The following DLGAP1 variants were observed in gnomAD, a reference collection of about 807,000 sequenced individuals.
DLGAP1 encodes disks large-associated protein 1.
A neutral mutation model predicts 90.8 loss-of-function variants in DLGAP1; 11 were observed. That is an observed-to-expected ratio of 0.12 (90% confidence interval 0.08 to 0.20). DLGAP1 has a LOEUF of 0.20. Among genes scored for constraint, DLGAP1 ranks in the 10% least tolerant of loss-of-function variants. The pLI is 1.00. For missense variants in DLGAP1, 1,050 were observed against 1,333.8 expected, an observed-to-expected ratio of 0.79 and a Z score of 3.31; for synonymous variants, 558 against 540.7, an observed-to-expected ratio of 1.03 and a Z score of -0.44.
At position 4,369,636 on chromosome 18, in the gene DLGAP1, T is replaced by C. The variant is rs537690796; in HGVS notation, c.-267+85370A>G. Among the ~76,000 whole-genome samples the C allele has an allele frequency of 2.6e-5, 4 of 151,908 alleles. No individual in the cohort carries two copies. The South Asian group carries it at 8.4e-4, about 32-fold the overall frequency. Reference sequence around the variant, plus strand: ...CTCACTTCAATGCCATAGTCAGTGTTTGACAGACAGATGGGCCCAGGCTCT... The same window carrying C: ...CTCACTTCAATGCCATAGTCAGTGTCTGACAGACAGATGGGCCCAGGCTCT... On this transcript the variant is annotated intron_variant, in intron 1 of 12. Coordinates refer to ENST00000315677, the MANE Select transcript of DLGAP1 (RefSeq NM_004746.4).
chr18:3,617,991 C>G (rs1481705631), intron 7 of DLGAP1, among the ~76,000 whole-genome samples: 1 of 152,110 alleles, frequency 6.6e-6, no homozygotes, highest in Admixed American at 6.6e-5. Context: ...GAGCCAAGAT[C>G]GTGCCATTGC....
intron 2 of DLGAP1, among the ~76,000 whole-genome samples, chr18:4,031,338 T>A (rs865910802): frequency 1.8e-4 from 27 of 152,188 alleles, no homozygotes; most frequent in African/African-American, 6.3e-4. Flanking sequence ...CAATAAAATA[T>A]ATATTGTATT....
chr18:3,854,107 A>G (rs972377412), intron 4 of DLGAP1, among the ~76,000 whole-genome samples: 4 of 152,046 alleles, frequency 2.6e-5, no homozygotes, highest in South Asian at 2.1e-4. Flanking sequence ...AAGTTTATGA[A>G]CCCCTCCCCC....
chr18:4,246,476 G>A (rs991025160), intron 1 of DLGAP1, among the ~76,000 whole-genome samples: 4 of 152,158 alleles, frequency 2.6e-5, no homozygotes, highest in Non-Finnish European at 5.9e-5. Context: ...AACTTCTGGG[G>A]TGCAGAGAAC....
At chr18:4,269,324 TTATATATACATATATA>T (rs1292653424) in intron 1 of DLGAP1, among the ~76,000 whole-genome samples, 1 of 146,122 alleles carries the variant, frequency 6.8e-6, no homozygotes, top group Non-Finnish European at 1.5e-5. Flanking sequence ...TCATATTATT[TTATATATACATATATA>T]TATATATATA....
At chr18:3,860,475 T>C (rs3862175) in intron 4 of DLGAP1, among the ~76,000 whole-genome samples, 46,253 of 152,062 alleles carry the variant, frequency 0.3, 7,296 homozygotes, top group African/African-American at 0.39. Flanking sequence ...CCATGGCAGA[T>C]AGACATGAAA....
At chr18:3,994,430 T>C (rs970685165) in intron 3 of DLGAP1, among the ~76,000 whole-genome samples, 1 of 152,192 alleles carries the variant, frequency 6.6e-6, no homozygotes, top group Non-Finnish European at 1.5e-5. Context: ...CCCTGCTCTA[T>C]AAACAGACCC....
rs368782435 is a variant in DLGAP1, at chr18:4,342,374, A to G, written c.-267+112632T>C. On this transcript the variant is annotated intron_variant, in intron 1 of 12. Coordinates refer to ENST00000315677, the MANE Select transcript of DLGAP1 (RefSeq NM_004746.4). This position sits in a 1 kb window ranked among gnomAD's most constrained non-coding sequence, Gnocchi z 5.8. ...AATAGAATATGTTAAATGGATAAAC[A>G]CTCCCAAATATCTTACATTTTAAAA... is the stretch of plus-strand genomic sequence containing the variant. 8.5e-5 allele frequency among the ~76,000 whole-genome samples: 13 copies of G among 152,110 alleles called. No individual in the cohort carries two copies. The East Asian group carries it at 2.1e-3, about 25-fold the overall frequency.
intron 3 of DLGAP1, among the ~76,000 whole-genome samples, chr18:3,981,156 G>A (rs1490111704): frequency 1.3e-5 from 2 of 152,246 alleles, no homozygotes; most frequent in Admixed American, 6.5e-5. Context: ...CATACGGGCA[G>A]AATGCCGGAT....
chr18:3,547,560 A>G (rs1024577410), intron 9 of DLGAP1, among the ~76,000 whole-genome samples: 52 of 150,388 alleles, frequency 3.5e-4, no homozygotes, highest in African/African-American at 1.1e-3. Context: ...CCACACCACA[A>G]TGACATGCCA....
At chr18:3,719,292 T>C (rs554222716) in intron 7 of DLGAP1, among the ~76,000 whole-genome samples, 4 of 151,666 alleles carry the variant, frequency 2.6e-5, no homozygotes, top group African/African-American at 7.2e-5. Context: ...TTTGGCCAGG[T>C]GCGGTGGCTC....
intron 6 of DLGAP1, among the ~76,000 whole-genome samples, chr18:3,732,580 CAT>C (rs2062479895): frequency 3.3e-5 from 5 of 152,250 alleles, no homozygotes; most frequent in African/African-American, 1.2e-4. Flanking sequence ...CACATTAACT[CAT>C]AGATTTAAAA....
intron 1 of DLGAP1, among the ~76,000 whole-genome samples, chr18:4,338,864 T>C (rs957128626): frequency 9.9e-5 from 15 of 152,198 alleles, no homozygotes; most frequent in Admixed American, 3.3e-4. Context: ...ATTTATTCAA[T>C]GTAAATGGCC....
rs539319280 is a variant in DLGAP1, at chr18:3,534,662, TTTCCTTCCTTCC to T, written c.2058-59_2058-48del. On this transcript the variant is annotated intron_variant, in intron 9 of 12. Transcript: ENST00000315677. ...AATTTAGTTAGAGGATATTTCTTTC[TTTCCTTCCTTCC>T]TTCCTTCCTTCCTTTCTTTCTTTTT... 40 of 1,407,154 alleles carry T rather than the reference TTTCCTTCCTTCC, an allele frequency of 2.8e-5. No homozygotes were observed. In the East Asian group the frequency reaches 7.0e-4, roughly 25 times the overall value. The allele number at this position is 1,407,154 out of a possible 1,614,324, so 87.2% of individuals were successfully genotyped here.
intron 3 of DLGAP1, among the ~76,000 whole-genome samples, chr18:3,999,250 A>T (rs1397734063): frequency 6.6e-6 from 1 of 152,086 alleles, no homozygotes; most frequent in Non-Finnish European, 1.5e-5. Flanking sequence ...TTGGTAGCAT[A>T]CTATACAGAC....
chr18:3,863,737 T>G (rs2070223713), intron 4 of DLGAP1, among the ~76,000 whole-genome samples: 1 of 152,198 alleles, frequency 6.6e-6, no homozygotes, highest in South Asian at 2.1e-4. Flanking sequence ...CAGGGCCCGC[T>G]CAGCCCCACC....
At chr18:4,133,727 G>A (rs2076354514) in intron 2 of DLGAP1, among the ~76,000 whole-genome samples, 1 of 152,120 alleles carries the variant, frequency 6.6e-6, no homozygotes, top group African/African-American at 2.4e-5. Context: ...TGGTACGGAA[G>A]GATTCAACAA....
intron 3 of DLGAP1, among the ~76,000 whole-genome samples, chr18:3,969,496 C>T (rs1172702384): frequency 2.0e-5 from 3 of 152,140 alleles, no homozygotes; most frequent in East Asian, 3.9e-4. Context: ...TGCTTGTTCT[C>T]GAAACAAAAT....
intron 3 of DLGAP1, among the ~76,000 whole-genome samples, chr18:3,961,238 T>A: frequency 6.6e-6 from 1 of 152,098 alleles, no homozygotes; most frequent in South Asian, 2.1e-4. Context: ...TGACAGTGGG[T>A]ACACACCTCC....
Sources: gnomAD v4.1 joint callset for allele counts (sites outside exome capture counted in the v4.1 genomes callset) on GRCh38, gnomAD v4.1.1 for gene constraint, Gnocchi (gnomAD v3.1) non-coding constraint, MANE v1.5 for transcripts, NCBI Gene and HGNC (gene_info 2026-07-23, HGNC 2026-07-21) for gene names.